KHDRBS2: variants seen among roughly 807,000 people sequenced by gnomAD.
KHDRBS2 encodes the protein KH domain-containing, RNA-binding, signal transduction-associated protein 2.
A neutral mutation model predicts 44.3 loss-of-function variants in KHDRBS2; 26 were observed. That is an observed-to-expected ratio of 0.59 (90% confidence interval 0.43 to 0.81). The LOEUF (loss-of-function observed/expected upper bound fraction) is 0.81. KHDRBS2 is among the 40% of genes least tolerant of loss of function. The pLI, the probability that KHDRBS2 is intolerant of heterozygous loss-of-function variation, is 0.00. For synonymous variants in KHDRBS2, 194 were observed against 151.1 expected (o/e 1.28, Z -2.08); for missense variants, 476 against 433.1 (o/e 1.10, Z -0.88).
chr6:62,102,448 G>C (rs1802121210), intron 2 of KHDRBS2, among the ~76,000 whole-genome samples: 1 of 152,182 alleles, frequency 6.6e-6, no homozygotes, highest in Non-Finnish European at 1.5e-5. Context: ...GCCCCAAAGA[G>C]GGTGTTACAG....
At chr6:61,730,742 T>C (rs139510646) in intron 7 of KHDRBS2, among the ~76,000 whole-genome samples, 3 of 152,192 alleles carry the variant, frequency 2.0e-5, no homozygotes, top group East Asian at 3.9e-4. Context: ...CAGAAGTGTG[T>C]AGAAAATGTC....
intron 6 of KHDRBS2, among the ~76,000 whole-genome samples, chr6:61,874,758 C>G (rs1232920690): frequency 6.6e-6 from 1 of 152,110 alleles, no homozygotes; most frequent in Non-Finnish European, 1.5e-5. Flanking sequence ...GCACAATCCC[C>G]TCCTCTATAC....
chr6:62,169,162 C>CACATATGTATATATGTATATATACGTAT (rs1819418711), intron 2 of KHDRBS2, among the ~76,000 whole-genome samples: 1 of 135,218 alleles, frequency 7.4e-6, no homozygotes, highest in South Asian at 2.3e-4. Flanking sequence ...TATATACGTA[C>CACATATGTATATATGTATATATACGTAT]ACATATATGT....
At chr6:62,040,283 GATCA>G (rs1248765383) in intron 3 of KHDRBS2, among the ~76,000 whole-genome samples, 2 of 151,836 alleles carry the variant, frequency 1.3e-5, no homozygotes, top group Non-Finnish European at 2.9e-5. Flanking sequence ...GTCTAGAAAT[GATCA>G]ATCTGCGCTT....
In KHDRBS2 at chr6:62,003,955, T is replaced by C. The variant is rs1225158950; in HGVS notation, c.337-25743A>G. Among the ~76,000 whole-genome samples the C allele has an allele frequency of 2.6e-5, 4 of 152,198 alleles. No individual in the cohort carries two copies. The East Asian group carries it at 5.8e-4, about 22-fold the overall frequency. On this transcript the variant is annotated intron_variant, in intron 3 of 8. Transcript: ENST00000281156. Reference sequence around the variant, plus strand: ...AAATACAGATGTTCTTTGAAACCAATGAGAACAAAGACACAACGTACCAGA... The same window carrying C: ...AAATACAGATGTTCTTTGAAACCAACGAGAACAAAGACACAACGTACCAGA...
At chr6:61,596,656 A>T in the KHDRBS2 span, among the ~76,000 whole-genome samples, 38 of 151,930 alleles carry the variant, frequency 2.5e-4, no homozygotes, top group African/African-American at 7.5e-4. Context: ...TAATTTAATT[A>T]ATTTATTTAT....
At chr6:61,838,420 A>G (rs1387120691) in intron 6 of KHDRBS2, among the ~76,000 whole-genome samples, 1 of 152,038 alleles carries the variant, frequency 6.6e-6, no homozygotes, top group Non-Finnish European at 1.5e-5. Context: ...TGTTTATATT[A>G]TACTTATTTC....
chr6:61,738,850 C>T (rs538605938), intron 6 of KHDRBS2, among the ~76,000 whole-genome samples: 1 of 151,918 alleles, frequency 6.6e-6, no homozygotes, highest in South Asian at 2.1e-4. Flanking sequence ...ACTGGCTCTG[C>T]ATATGAGCTT....
chr6:61,597,793 C>A, the KHDRBS2 span, among the ~76,000 whole-genome samples: 1 of 88,140 alleles, frequency 1.1e-5, no homozygotes. Flanking sequence ...TTATTGCCAC[C>A]GGGAAAAGAA....
the KHDRBS2 span, among the ~76,000 whole-genome samples, chr6:61,589,637 A>G: frequency 0.8 from 122,188 of 152,080 alleles, 49,532 homozygotes; most frequent in African/African-American, 0.9. Context: ...CAAACTGTGG[A>G]CTGGATAGGA....
chr6:61,572,913 C>A, the KHDRBS2 span, among the ~76,000 whole-genome samples: 1 of 152,118 alleles, frequency 6.6e-6, no homozygotes, highest in Non-Finnish European at 1.5e-5. Flanking sequence ...TGGAACAAGA[C>A]AAGGATGCCC....
the KHDRBS2 span, among the ~76,000 whole-genome samples, chr6:61,665,692 G>GAAAAA: frequency 5.0e-4 from 75 of 148,932 alleles, no homozygotes; most frequent in African/African-American, 1.8e-3. Context: ...TCTTTTGAAG[G>GAAAAA]AAAAAAAAAT....
At chr6:62,041,395 T>C (rs981984408) in intron 3 of KHDRBS2, among the ~76,000 whole-genome samples, 8 of 152,078 alleles carry the variant, frequency 5.3e-5, no homozygotes, top group African/African-American at 1.9e-4. Flanking sequence ...TAATAGACCA[T>C]CCTCAGTGGT....
intron 2 of KHDRBS2, among the ~76,000 whole-genome samples, chr6:62,104,337 A>C (rs1802630625): frequency 6.6e-6 from 1 of 152,092 alleles, no homozygotes; most frequent in African/African-American, 2.4e-5. Context: ...ACATGTGCAC[A>C]TTGTGCAGGT....
intron 7 of KHDRBS2, among the ~76,000 whole-genome samples, chr6:61,698,576 A>G (rs371648873): frequency 1.3e-5 from 2 of 152,152 alleles, no homozygotes; most frequent in East Asian, 3.9e-4. Flanking sequence ...TTCTTATAGA[A>G]GTAAGTTAGA....
At chr6:61,848,504 T>TATAC (rs1794823536) in intron 6 of KHDRBS2, among the ~76,000 whole-genome samples, 1 of 55,188 alleles carries the variant, frequency 1.8e-5, no homozygotes, top group African/African-American at 1.0e-4. Context: ...TATATATATA[T>TATAC]ATATATGTAT....
intron 7 of KHDRBS2, among the ~76,000 whole-genome samples, chr6:61,702,549 G>T (rs781100968): frequency 7.2e-5 from 11 of 151,914 alleles, no homozygotes; most frequent in Non-Finnish European, 1.3e-4. Flanking sequence ...AGTAACATTT[G>T]TCGAATGAAT....
At chr6:62,091,199 A>G (rs1461007413) in intron 2 of KHDRBS2, among the ~76,000 whole-genome samples, 2 of 152,198 alleles carry the variant, frequency 1.3e-5, no homozygotes, top group Non-Finnish European at 1.5e-5. Flanking sequence ...TTATCCCATC[A>G]GGGTCAAATC....
At chr6:62,090,558 TG>T (rs900398156) in intron 2 of KHDRBS2, among the ~76,000 whole-genome samples, 10 of 149,232 alleles carry the variant, frequency 6.7e-5, no homozygotes, top group African/African-American at 2.5e-4. Flanking sequence ...ATAGGAAAGG[TG>T]TTTTTTTTTT....
Sources: gnomAD v4.1 joint callset for allele counts (sites outside exome capture counted in the v4.1 genomes callset) on GRCh38, gnomAD v4.1.1 for gene constraint, MANE v1.5 for transcripts, NCBI Gene and HGNC (gene_info 2026-07-23, HGNC 2026-07-21) for gene names.